COG7: variants seen among roughly 807,000 people sequenced by gnomAD.
The protein encoded by COG7 is conserved oligomeric Golgi complex subunit 7.
In COG7, 49 loss-of-function variants were observed where a neutral mutation model predicts 91.5. The observed-to-expected ratio is 0.54, with a 90% confidence interval of 0.43 to 0.68. The LOEUF (loss-of-function observed/expected upper bound fraction) is 0.68. Among genes scored for constraint, COG7 ranks in the 30% least tolerant of loss-of-function variants. The probability of loss-of-function intolerance (pLI) is 0.00; values close to 1 mark genes in which losing one functional copy is unlikely to be tolerated. For synonymous variants in COG7, 365 were observed against 388.7 expected, an observed-to-expected ratio of 0.94 and a Z score of 0.72; for missense variants, 895 against 961.3, an observed-to-expected ratio of 0.93 and a Z score of 0.91.
At chr16:23,417,957 G>A (rs781306097) in intron 8 of COG7, among the ~76,000 whole-genome samples, 20 of 152,094 alleles carry the variant, frequency 1.3e-4, no homozygotes, top group Admixed American at 4.6e-4. Context: ...CCTCATGCTA[G>A]ACAACCTTAT....
intron 14 of COG7, among the ~76,000 whole-genome samples, chr16:23,393,823 C>T (rs1035954003): frequency 6.6e-6 from 1 of 152,072 alleles, no homozygotes; most frequent in Non-Finnish European, 1.5e-5. Context: ...GGATGGATCT[C>T]CTGAGGTCAG....
At position 23,446,070 on chromosome 16, in the gene COG7, G is replaced by A. The variant is rs377364479; in HGVS notation, c.170-109C>T. The A allele has an allele frequency of 1.1e-4, 143 of 1,324,124 alleles. No homozygotes were observed. The East Asian group carries it at 2.7e-3, about 25-fold the overall frequency. The allele number at this position is 1,324,124 out of a possible 1,614,324, so 82.0% of individuals were successfully genotyped here. A position where few individuals can be genotyped will look rare whatever the true frequency, so the allele number is the denominator to read the frequency against. ...AGGAAACAAATCAGACAACAGAAAG[G>A]AAATGCACGACCAACCAAACGGTTT... On this transcript the variant is annotated intron_variant, in intron 1 of 16. Transcript: ENST00000307149.
At chr16:23,424,379 G>A (rs559138514) in intron 7 of COG7, among the ~76,000 whole-genome samples, 2 of 150,328 alleles carry the variant, frequency 1.3e-5, no homozygotes, top group Admixed American at 1.3e-4. Context: ...CTGAGGCTTC[G>A]TGATGACTTC....
chr16:23,397,889 T>TA (rs1963310575), intron 14 of COG7, among the ~76,000 whole-genome samples, 157 bp downstream of exon 14: 1 of 152,124 alleles, frequency 6.6e-6, no homozygotes, highest in African/African-American at 2.4e-5. Flanking sequence ...CTGATCTTCT[T>TA]AAAGTCCAGG....
At chr16:23,443,023 G>C (rs1245837010) in intron 3 of COG7, among the ~76,000 whole-genome samples, 1 of 142,942 alleles carries the variant, frequency 7.0e-6, no homozygotes, top group African/African-American at 2.7e-5. Context: ...AACAGAGAAA[G>C]ACCCCGTCTC....
intron 13 of COG7, among the ~76,000 whole-genome samples, chr16:23,401,076 C>T (rs1432494920): frequency 6.6e-6 from 1 of 152,080 alleles, no homozygotes; most frequent in Non-Finnish European, 1.5e-5. Context: ...AAGTGTCCTT[C>T]AAATGGGCTT....
intron 4 of COG7, among the ~76,000 whole-genome samples, chr16:23,436,017 GTTT>G (rs1964008308): frequency 6.6e-6 from 1 of 152,114 alleles, no homozygotes; most frequent in South Asian, 2.1e-4. Flanking sequence ...TGGGAGGACT[GTTT>G]GAGCCCAGGA....
chr16:23,407,922 G>A (rs1280513806), intron 11 of COG7, among the ~76,000 whole-genome samples: 2 of 151,238 alleles, frequency 1.3e-5, no homozygotes, highest in African/African-American at 4.9e-5. Context: ...TGTGCACACT[G>A]CGTTCTCTTG....
At chr16:23,433,810 G>C in intron 5 of COG7, 143 bp from the exon 6 acceptor site, 11 of 713,746 alleles carry the variant, frequency 1.5e-5, no homozygotes, top group East Asian at 3.1e-5. Flanking sequence ...TCACTTCAAA[G>C]AAAGGCAGGA....
intron 8 of COG7, among the ~76,000 whole-genome samples, chr16:23,417,705 C>G (rs1031038846): frequency 6.6e-6 from 1 of 152,122 alleles, no homozygotes; most frequent in African/African-American, 2.4e-5. Context: ...TTGAAGTGAG[C>G]TGTGATTGTG....
intron 7 of COG7, among the ~76,000 whole-genome samples, chr16:23,423,212 C>T (rs548697526): frequency 1.3e-5 from 2 of 151,092 alleles, no homozygotes; most frequent in African/African-American, 2.4e-5. Flanking sequence ...CTAAAAAATA[C>T]AAAAATTAGC....
chr16:23,451,975 T>A (rs1964272783), intron 1 of COG7, among the ~76,000 whole-genome samples: 1 of 152,118 alleles, frequency 6.6e-6, no homozygotes, highest in South Asian at 2.1e-4. Context: ...AATAAACACC[T>A]CACAGACTCG....
chr16:23,395,436 G>A (rs1233983435), intron 14 of COG7, among the ~76,000 whole-genome samples: 1 of 152,130 alleles, frequency 6.6e-6, no homozygotes, highest in African/African-American at 2.4e-5. Context: ...CATAAGCTTT[G>A]GCTAAGTCCA....
chr16:23,437,549 G>A (rs1033570843), intron 4 of COG7, among the ~76,000 whole-genome samples: 1 of 152,306 alleles, frequency 6.6e-6, no homozygotes, highest in African/African-American at 2.4e-5. Context: ...TTACAGGGCT[G>A]GAGATGAGTA....
At chr16:23,430,832 C>T (rs1015694249) in intron 6 of COG7, among the ~76,000 whole-genome samples, 19 of 151,834 alleles carry the variant, frequency 1.3e-4, no homozygotes, top group Admixed American at 9.8e-4. Flanking sequence ...TGAAACACCA[C>T]GCCCAGTCTT....
intron 4 of COG7, among the ~76,000 whole-genome samples, chr16:23,436,062 C>G (rs1290500190): frequency 6.6e-6 from 1 of 151,938 alleles, no homozygotes; most frequent in African/African-American, 2.4e-5. Context: ...CACAGGACCC[C>G]TCTACAAAAA....
rs939493724 is a variant in COG7, at chr16:23,452,624, A to C, written c.169+202T>G. On this transcript the variant is annotated intron_variant, in intron 1 of 16. Transcript: ENST00000307149. ...AGCCAGAGGAGGAAAAACAACACCC[A>C]AAATTAGCAAGTGTTCAAGACAGCC... 1.1e-5 allele frequency: 14 copies of C among 1,266,148 alleles called. No individual in the cohort carries two copies. In the Admixed American group the frequency reaches 3.1e-4, roughly 28 times the overall value. 78.4% of individuals were successfully genotyped at this position (1,266,148 alleles called of 1,614,324 possible). A position where few individuals can be genotyped will look rare whatever the true frequency, so the allele number is the denominator to read the frequency against.
chr16:23,439,654 T>A (rs1425895618), intron 4 of COG7, among the ~76,000 whole-genome samples: 1 of 152,154 alleles, frequency 6.6e-6, no homozygotes, highest in Non-Finnish European at 1.5e-5. Flanking sequence ...GTCAAATTCA[T>A]AGGGACAAAA....
intron 16 of COG7, 33 bp downstream of exon 16, chr16:23,392,347 G>A (rs1220320074): frequency 6.2e-7 from 1 of 1,613,806 alleles, no homozygotes; most frequent in Admixed American, 1.7e-5. Context: ...GGCAAGAGCT[G>A]TCCCTCCCAC....
Sources: allele counts gnomAD v4.1 joint callset (sites outside exome capture counted in the v4.1 genomes callset), GRCh38; gene constraint gnomAD v4.1.1; transcripts MANE v1.5; gene names NCBI Gene and HGNC (gene_info 2026-07-23, HGNC 2026-07-21).